Variants in ARMC9 observed in about 807,000 individuals in gnomAD.
The protein encoded by ARMC9 is lisH domain-containing protein ARMC9.
Under a neutral mutation model 107.0 loss-of-function variants are expected in ARMC9, and 94 were observed. That is an observed-to-expected ratio of 0.88 (90% confidence interval 0.74 to 1.04). The LOEUF (loss-of-function observed/expected upper bound fraction) is 1.04. Ranked by LOEUF, ARMC9 falls within the 50% of genes least tolerant of loss-of-function variation. The pLI is 0.00. For synonymous variants in ARMC9, 380 were observed against 396.9 expected, an observed-to-expected ratio of 0.96 and a Z score of 0.51; for missense variants, 942 against 1,030.1, an observed-to-expected ratio of 0.91 and a Z score of 1.17.
intron 24 of ARMC9, 107 bp from the exon 25 acceptor site, chr2:231,371,406 A>C: frequency 7.9e-7 from 1 of 1,265,334 alleles, no homozygotes; most frequent in African/African-American, 1.5e-5. Flanking sequence ...GGGAGAGGGA[A>C]GGTTCCCTCG....
intron 8 of ARMC9, among the ~76,000 whole-genome samples, chr2:231,236,079 C>T (rs1187298398): frequency 6.6e-6 from 1 of 152,186 alleles, no homozygotes; most frequent in Non-Finnish European, 1.5e-5. Context: ...TGAGCCATCA[C>T]ACCCAGCCTC....
chr2:231,210,049 T>C (rs965686055), intron 3 of ARMC9, among the ~76,000 whole-genome samples: 1 of 152,236 alleles, frequency 6.6e-6, no homozygotes, highest in African/African-American at 2.4e-5. Context: ...AGGCTTGGCT[T>C]GCAAGCCCCT....
At chr2:231,329,370 G>A (rs779407607) in intron 19 of ARMC9, among the ~76,000 whole-genome samples, 4 of 152,034 alleles carry the variant, frequency 2.6e-5, no homozygotes, top group Non-Finnish European at 4.4e-5. Context: ...GAGTGCAGTG[G>A]CGTGATCTTG....
chr2:231,207,482 T>G (rs1345845558), intron 2 of ARMC9, among the ~76,000 whole-genome samples: 1 of 151,958 alleles, frequency 6.6e-6, no homozygotes, highest in African/African-American at 2.4e-5. Context: ...TCTTTTTTTT[T>G]TCTTTTTTTT....
chr2:231,309,097 A>T (rs2042194770), intron 19 of ARMC9, among the ~76,000 whole-genome samples: 1 of 152,180 alleles, frequency 6.6e-6, no homozygotes, highest in Admixed American at 6.5e-5. Flanking sequence ...GTACCTTTTC[A>T]GCTTCTAAAT....
At chr2:231,276,208 A>T (rs1428397106) in intron 14 of ARMC9, among the ~76,000 whole-genome samples, 1 of 152,026 alleles carries the variant, frequency 6.6e-6, no homozygotes, top group Non-Finnish European at 1.5e-5. Context: ...TAACAAAAAT[A>T]TTCCTCAGAG....
rs1386416711 is a variant in ARMC9, at chr2:231,214,869, G to A, written c.216G>A (p.Lys72=). 1.2e-6 allele frequency: 2 copies of A among 1,614,202 alleles called. No individual in the cohort carries two copies. Among genetic ancestry groups the A allele is most frequent in the African/African-American group, 1.3e-5 (1 of 75,046 alleles). The change falls in exon 4 of 25, where the codon AAG becomes AAA. Residue 72 remains lysine, a synonymous_variant. Coordinates refer to ENST00000611582, the MANE Select transcript of ARMC9 (RefSeq NM_001352754.2). The part of the protein sequence containing the change: ...LVAAFDNGDQ[K]VFFDLWEEHI... ...CTGCATTTGACAACGGAGACCAGAA[G>A]GTGTTCTTCGATCTGTGGGAGGAGC...
intron 10 of ARMC9, among the ~76,000 whole-genome samples, chr2:231,258,593 G>T (rs1244350410): frequency 6.6e-6 from 1 of 152,076 alleles, no homozygotes; most frequent in Non-Finnish European, 1.5e-5. Context: ...GAACTCTTGG[G>T]GCCTGCTGAT....
In ARMC9 at chr2:231,263,028, C is replaced by G. The variant is rs141964926; in HGVS notation, c.1119+630C>G. On this transcript the variant is annotated intron_variant, in intron 12 of 24. Transcript: ENST00000611582. ...CCCCAGGCCTGGTACCAAGTAGTCA[C>G]TACATGGTCTTTCTCTTCTGTCCTT... Among the ~76,000 whole-genome samples the G allele has an allele frequency of 7.3e-4, 111 of 152,252 alleles. 1 individual carries two copies. In the East Asian group the frequency reaches 0.017, roughly 23 times the overall value.
intron 9 of ARMC9, among the ~76,000 whole-genome samples, chr2:231,242,361 G>C (rs527430352): frequency 1.3e-5 from 2 of 152,244 alleles, no homozygotes; most frequent in South Asian, 4.2e-4. Flanking sequence ...TTCCACACAC[G>C]TGGACAGACA....
chr2:231,225,232 A>G (rs1284144758), intron 6 of ARMC9, among the ~76,000 whole-genome samples: 1 of 152,228 alleles, frequency 6.6e-6, no homozygotes, highest in Middle Eastern at 3.2e-3. Flanking sequence ...GGAAGAGAAC[A>G]TCTTCCCATA....
chr2:231,206,348 T>C, intron 2 of ARMC9, 59 bp downstream of exon 2: 1 of 1,439,106 alleles, frequency 6.9e-7, no homozygotes, highest in East Asian at 2.3e-5. Context: ...ACTTGTGTTT[T>C]AAAATGCAAC....
At chr2:231,320,874 A>C (rs1435872227) in intron 19 of ARMC9, among the ~76,000 whole-genome samples, 2 of 152,188 alleles carry the variant, frequency 1.3e-5, no homozygotes, top group Non-Finnish European at 2.9e-5. Context: ...CAAGCATGGA[A>C]GCCTCTCTAT....
chr2:231,280,444 C>T (rs927131108), intron 16 of ARMC9, among the ~76,000 whole-genome samples: 5 of 151,534 alleles, frequency 3.3e-5, no homozygotes, highest in African/African-American at 4.8e-5. Context: ...GGTGACAGAG[C>T]GAGACTCTGT....
intron 11 of ARMC9, among the ~76,000 whole-genome samples, 163 bp downstream of exon 11, chr2:231,259,265 C>G (rs922874100): frequency 6.6e-6 from 1 of 152,172 alleles, no homozygotes; most frequent in African/African-American, 2.4e-5. Flanking sequence ...TGAAGATAGC[C>G]TGGGCCTCCT....
chr2:231,287,052 C>T (rs1191888931), intron 17 of ARMC9, among the ~76,000 whole-genome samples: 3 of 152,190 alleles, frequency 2.0e-5, no homozygotes, highest in African/African-American at 7.2e-5. Flanking sequence ...CTGCCCAGGG[C>T]TGGAGCCGAT....
intron 3 of ARMC9, among the ~76,000 whole-genome samples, chr2:231,209,834 C>G (rs2032570470): frequency 6.6e-6 from 1 of 152,114 alleles, no homozygotes; most frequent in Non-Finnish European, 1.5e-5. Context: ...CACACCTGGT[C>G]TATTTTATTT....
At chr2:231,205,782 A>G (rs571969970) in intron 1 of ARMC9, among the ~76,000 whole-genome samples, 2 of 152,316 alleles carry the variant, frequency 1.3e-5, no homozygotes, top group East Asian at 3.9e-4. Flanking sequence ...TCATTTCTGG[A>G]TGCAGTGGGA....
At chr2:231,315,279 T>A (rs994268926) in intron 19 of ARMC9, among the ~76,000 whole-genome samples, 1 of 145,788 alleles carries the variant, frequency 6.9e-6, no homozygotes, top group African/African-American at 2.6e-5. Context: ...TAGCTCATGC[T>A]TGTAATCCCG....
Sources: allele counts gnomAD v4.1 joint callset (sites outside exome capture counted in the v4.1 genomes callset), GRCh38; gene constraint gnomAD v4.1.1; transcripts MANE v1.5; gene names NCBI Gene and HGNC (gene_info 2026-07-23, HGNC 2026-07-21).